Variants in NEURL4 observed in about 807,000 individuals in gnomAD.
The protein encoded by NEURL4 is neuralized-like protein 4.
In NEURL4, 45 loss-of-function variants were observed where a neutral mutation model predicts 148.0. That is an observed-to-expected ratio of 0.30 (90% CI 0.24 to 0.39). NEURL4 has a LOEUF of 0.39. Ranked by LOEUF, NEURL4 falls within the 10% of genes least tolerant of loss-of-function variation. The pLI is 1.00. For missense variants in NEURL4, 1,776 were observed against 2,144.0 expected, an observed-to-expected ratio of 0.83 and a Z score of 3.39; for synonymous variants, 854 against 869.0, an observed-to-expected ratio of 0.98 and a Z score of 0.30.
rs553074136 is a variant in NEURL4 at position 7,329,224 on chromosome 17, G to A, written c.89C>T (p.Ser30Leu). 1.3e-6 allele frequency: 2 copies of A among 1,527,190 alleles called. 1 individual carries two copies. Among genetic ancestry groups the A allele is most frequent in the Admixed American group, 4.0e-5 (2 of 49,564 alleles). 94.6% of individuals were successfully genotyped at this position (1,527,190 alleles called of 1,614,324 possible). The change falls in exon 1 of 29, where the codon TCA becomes TTA. Residue 30 changes from serine to leucine, a missense_variant. Ser to Leu is a moderately radical substitution (Grantham distance 145). Transcript: ENST00000399464. ...CAGACCCCCGTTGGACCCCGGTCCT[G>A]AGCCGCTCCCGCTGGGGCCCCCACC... is the stretch of plus-strand genomic sequence containing the variant. ...GGGGGPSGSG[S>L]GPGSNGGLGS... is the part of the protein sequence containing the mutation.
chr17:7,322,089 A>G lies in NEURL4; in HGVS notation c.2726-79T>C. ...GCAGAACACAGAGCAAAGCTTTCAG[A>G]TGAAACGAAATGGGGATGCCAACGC... On this transcript the variant is annotated intron_variant, in intron 16 of 28. Coordinates refer to ENST00000399464, the MANE Select transcript of NEURL4 (RefSeq NM_032442.3). This position sits in a 1 kb window ranked among gnomAD's most constrained non-coding sequence, Gnocchi z 5.5. The G allele has an allele frequency of 6.7e-7, 1 of 1,484,310 alleles. No homozygotes were observed. Among genetic ancestry groups the G allele is most frequent in the Admixed American group, 2.2e-5 (1 of 45,336 alleles). 91.9% of individuals were successfully genotyped at this position (1,484,310 alleles called of 1,614,324 possible).
At position 7,327,841 on chromosome 17, in the gene NEURL4, A is replaced by G; in HGVS notation, c.326T>C (p.Leu109Pro). The G allele has an allele frequency of 6.2e-7, 1 of 1,613,458 alleles. No individual in the cohort carries two copies. Among genetic ancestry groups the G allele is most frequent in the Admixed American group, 1.7e-5 (1 of 59,986 alleles). ...TGGAAAGTCCAGCACACTGGGGTCC[A>G]GCGCTGTCACCCCAATCTCAATGGA... ...SGSIEIGVTALDPSVLDFPSS... is the reference protein window; with the variant it reads ...SGSIEIGVTAPDPSVLDFPSS... Residue 109 changes from leucine to proline, a missense_variant, in exon 2 of 29, where the codon CTG becomes CCG. By Grantham distance (98) the Leu-to-Pro change is moderately conservative. Transcript: ENST00000399464. The surrounding 1 kb of genome is among the most constrained non-coding windows in gnomAD (Gnocchi z 6.6).
chr17:7,316,397 C>T, intron 28 of NEURL4, 70 bp from the exon 29 acceptor site: 1 of 1,256,044 alleles, frequency 8.0e-7, no homozygotes, highest in South Asian at 1.3e-5. Flanking sequence ...AAGTCTGTTC[C>T]AACCACACAA....
rs536920923 is a variant in NEURL4 at position 7,317,286 on chromosome 17, G to C, written c.4403C>G (p.Pro1468Arg). 2.6e-6 allele frequency: 4 copies of C among 1,526,134 alleles called. No homozygotes were observed. Among genetic ancestry groups the C allele is most frequent in the South Asian group, 2.6e-5 (2 of 76,408 alleles). The allele number at this position is 1,526,134 out of a possible 1,614,324, so 94.5% of individuals were successfully genotyped here. A position where few individuals can be genotyped will look rare whatever the true frequency, so the allele number is the denominator to read the frequency against. ...FEEPGENCAP[P>R]REEQPPPVLL... Reference sequence around the variant, plus strand: ...CACAGGAGGGGGCTGCTCCTCCCGAGGAGGTGCACAGTTCTCGCCAGGCTC... The same window carrying C: ...CACAGGAGGGGGCTGCTCCTCCCGACGAGGTGCACAGTTCTCGCCAGGCTC... Residue 1468 changes from proline to arginine, a missense_variant, in exon 28 of 29, where the codon CCT becomes CGT. Transcript: ENST00000399464.
At position 7,324,665 on chromosome 17, in the gene NEURL4, G is replaced by A. The variant is rs1433800953; in HGVS notation, c.1813+134C>T. The A allele has an allele frequency of 1.8e-6, 2 of 1,119,278 alleles. No homozygotes were observed. Among genetic ancestry groups the A allele is most frequent in the Non-Finnish European group, 2.6e-6 (2 of 765,690 alleles). The allele number at this position is 1,119,278 out of a possible 1,614,324, so 69.3% of individuals were successfully genotyped here. A position where few individuals can be genotyped will look rare whatever the true frequency, so the allele number is the denominator to read the frequency against. On this transcript the variant is annotated intron_variant, in intron 9 of 28. Coordinates refer to ENST00000399464, the MANE Select transcript of NEURL4 (RefSeq NM_032442.3). This position sits in a 1 kb window ranked among gnomAD's most constrained non-coding sequence, Gnocchi z 5.9. Reference sequence around the variant, plus strand: ...CAAGACAGCCACAGCCCTGCCCACGGGACACTCTCTAGCCACTGAATGAGT... The same window carrying A: ...CAAGACAGCCACAGCCCTGCCCACGAGACACTCTCTAGCCACTGAATGAGT...
chr17:7,317,609 G>C (rs1316938440), intron 26 of NEURL4, 36 bp from the exon 27 acceptor site: 3 of 1,594,012 alleles, frequency 1.9e-6, no homozygotes, highest in Non-Finnish European at 2.6e-6. Flanking sequence ...TACAACGAAG[G>C]CCACTGACTC....
Position 7,316,167 on chromosome 17 carries a change from TCTC to T in NEURL4, c.4642_4644del (p.Glu1548del). ...AGGGCACAGAGGAGTGTGGCCCCCTTCTCCTTAGTGACCCACTCAAGTTCGGCT... is the reference window on the plus strand; with the variant it reads ...AGGGCACAGAGGAGTGTGGCCCCCTTCTTAGTGACCCACTCAAGTTCGGCT... On this transcript the variant is annotated inframe_deletion, in exon 29 of 29. Coordinates refer to ENST00000399464, the MANE Select transcript of NEURL4 (RefSeq NM_032442.3). 1 of 1,596,544 alleles carries T rather than the reference TCTC, an allele frequency of 6.3e-7. No homozygotes were observed. The highest frequency in any genetic ancestry group is 8.6e-7 in the Non-Finnish European group (1 of 1,164,062).
At chr17:7,317,118 G>C in intron 28 of NEURL4, 87 bp downstream of exon 28, 4 of 929,086 alleles carry the variant, frequency 4.3e-6, no homozygotes, top group Non-Finnish European at 4.6e-6. Flanking sequence ...AAAAGGGGAG[G>C]GCGAATCATG....
Position 7,321,906 on chromosome 17 carries a change from C to T in NEURL4, c.2830G>A (p.Val944Ile), listed in dbSNP as rs1433681089. Residue 944 changes from valine (V) to isoleucine (I), a missense_variant, in exon 17 of 29, where the codon GTC becomes ATC. Coordinates refer to ENST00000399464, the MANE Select transcript of NEURL4 (RefSeq NM_032442.3). This position sits in a 1 kb window ranked among gnomAD's most constrained non-coding sequence, Gnocchi z 6.3. The stretch of plus-strand genomic sequence containing the variant: ...GCCCTCAGCTCCTTGGTACTGAAGA[C>T]AAGGCCATGAGCATAGCCAGCGGCA... Reference protein sequence around the residue: ...VRAAGYAHGLVFSTKELRAEE... With the variant: ...VRAAGYAHGLIFSTKELRAEE... 6.2e-7 allele frequency: 1 copy of T among 1,613,952 alleles called. No homozygotes were observed. The highest frequency in any genetic ancestry group is 8.5e-7 in the Non-Finnish European group (1 of 1,180,024).
At position 7,329,292 on chromosome 17, in the gene NEURL4, C is replaced by T; in HGVS notation, c.21G>A (p.Gly7=). 2.1e-6 allele frequency: 3 copies of T among 1,413,458 alleles called. No homozygotes were observed. Among genetic ancestry groups the T allele is most frequent in the Admixed American group, 6.3e-5 (2 of 31,736 alleles). 87.6% of individuals were successfully genotyped at this position (1,413,458 alleles called of 1,614,324 possible). A position where few individuals can be genotyped will look rare whatever the true frequency, so the allele number is the denominator to read the frequency against. MAAGSG[G]SGGSGGGPGP... ...CAGGGCCTCCCCCAGAGCCCCCACTCCCACCCGACCCTGCCGCCATCTCCG... is the reference window on the plus strand; with the variant it reads ...CAGGGCCTCCCCCAGAGCCCCCACTTCCACCCGACCCTGCCGCCATCTCCG... The change falls in exon 1 of 29, where the codon GGG becomes GGA. Residue 7 remains glycine (G), a synonymous_variant. Coordinates refer to ENST00000399464, the MANE Select transcript of NEURL4 (RefSeq NM_032442.3).
rs1354443686 is a variant in NEURL4 at position 7,325,544 on chromosome 17, G to T, written c.1367-71C>A. On this transcript the variant is annotated intron_variant, in intron 7 of 28. Coordinates refer to ENST00000399464, the MANE Select transcript of NEURL4 (RefSeq NM_032442.3). ...AGGGGAGAAAGTCAAACACAGGGAG[G>T]CCAAGCACCAAAGAGAAGCAGGAGG... 5.0e-6 allele frequency: 8 copies of T among 1,588,206 alleles called. No homozygotes were observed. In the Admixed American group the frequency reaches 1.3e-4, roughly 27 times the overall value.
rs1239638925 is a variant in NEURL4 at position 7,317,488 on chromosome 17, C to T, written c.4291G>A (p.Val1431Met). 1 of 1,614,072 alleles carries T rather than the reference C, an allele frequency of 6.2e-7. No individual in the cohort carries two copies. Among genetic ancestry groups the T allele is most frequent in the Non-Finnish European group, 8.5e-7 (1 of 1,180,020 alleles). The change falls in exon 27 of 29, where the codon GTG (valine) becomes ATG (methionine). Residue 1431 changes from valine to methionine, a missense_variant. By Grantham distance (21) the Val-to-Met change is conservative (BLOSUM62 1). Transcript: ENST00000399464. ...HGSNVAAVRR[V>M]LDRGELGAGT... ...GCTCCCAGCTCCCCTCGGTCCAGCA[C>T]TCTCCGTACAGCGGCAACATTGCTC... is the stretch of plus-strand genomic sequence containing the variant.
chr17:7,316,791 G>C (rs2072952711), intron 28 of NEURL4, among the ~76,000 whole-genome samples: 1 of 152,092 alleles, frequency 6.6e-6, no homozygotes, highest in South Asian at 2.1e-4. Context: ...GCTTGGTGGT[G>C]CGTGCCTGTA....
chr17:7,328,399 T>C (rs1370713755), intron 1 of NEURL4, among the ~76,000 whole-genome samples: 1 of 152,218 alleles, frequency 6.6e-6, no homozygotes, highest in Non-Finnish European at 1.5e-5. Flanking sequence ...TGTCCTTCAA[T>C]GGTTTGTTCT....
rs1290207721 is a variant in NEURL4, at chr17:7,321,901, G to C, written c.2835C>G (p.Phe945Leu). ...RAAGYAHGLV[F>L]STKELRAEEV... Reference sequence around the variant, plus strand: ...CCTCAGCCCTCAGCTCCTTGGTACTGAAGACAAGGCCATGAGCATAGCCAG... The same window carrying C: ...CCTCAGCCCTCAGCTCCTTGGTACTCAAGACAAGGCCATGAGCATAGCCAG... The change falls in exon 17 of 29, where the codon TTC (phenylalanine) becomes TTG (leucine). Residue 945 changes from phenylalanine (F) to leucine (L), a missense_variant. Physicochemically the swap from Phe to Leu is conservative, Grantham distance 22. Transcript: ENST00000399464. This position sits in a 1 kb window ranked among gnomAD's most constrained non-coding sequence, Gnocchi z 6.3. The C allele has an allele frequency of 6.2e-7, 1 of 1,613,908 alleles. No homozygotes were observed. Among genetic ancestry groups the C allele is most frequent in the Non-Finnish European group, 8.5e-7 (1 of 1,180,014 alleles).
In NEURL4 at chr17:7,324,754, T is replaced by TC. The variant is rs1030111811; in HGVS notation, c.1813+44dup. 1.3e-6 allele frequency: 2 copies of TC among 1,598,522 alleles called. No homozygotes were observed. Among genetic ancestry groups the TC allele is most frequent in the Non-Finnish European group, 8.6e-7 (1 of 1,167,316 alleles). ...AAGTGCCAGGGCTTTGGGGATAGCT[T>TC]CCCCCCAAAACCCTATCCTGTCCCT... is the stretch of plus-strand genomic sequence containing the variant. On this transcript the variant is annotated intron_variant, in intron 9 of 28. Transcript: ENST00000399464. This position sits in a 1 kb window ranked among gnomAD's most constrained non-coding sequence, Gnocchi z 5.9.
intron 1 of NEURL4, 29 bp downstream of exon 1, chr17:7,329,002 A>G (rs770651268): frequency 7.2e-6 from 11 of 1,521,336 alleles, no homozygotes; most frequent in Non-Finnish European, 8.9e-6. Context: ...CACCCTCCAC[A>G]TCTCTGTTCC....
chr17:7,327,027 A>G lies in NEURL4; in HGVS notation c.794-18T>C. The G allele has an allele frequency of 6.2e-7, 1 of 1,607,722 alleles. No individual in the cohort carries two copies. The highest frequency in any genetic ancestry group is 1.3e-5 in the African/African-American group (1 of 74,984). On this transcript the variant is annotated intron_variant, in intron 3 of 28. Coordinates refer to ENST00000399464, the MANE Select transcript of NEURL4 (RefSeq NM_032442.3). The surrounding 1 kb of genome is among the most constrained non-coding windows in gnomAD (Gnocchi z 6.6). ...GGCAAAGTCTATAGCAGCAGGATGGAAGAAGGAAGCTCGGAAGTTGGGATG... is the reference window on the plus strand; with the variant it reads ...GGCAAAGTCTATAGCAGCAGGATGGGAGAAGGAAGCTCGGAAGTTGGGATG...
rs1597637237 is a variant in NEURL4 at position 7,324,666 on chromosome 17, G to A, written c.1813+133C>T. 8.9e-7 allele frequency: 1 copy of A among 1,123,646 alleles called. No individual in the cohort carries two copies. The highest frequency in any genetic ancestry group is 1.5e-5 in the African/African-American group (1 of 64,866). The allele number at this position is 1,123,646 out of a possible 1,614,324, so 69.6% of individuals were successfully genotyped here. On this transcript the variant is annotated intron_variant, in intron 9 of 28. Transcript: ENST00000399464. The surrounding 1 kb of genome is among the most constrained non-coding windows in gnomAD (Gnocchi z 5.9). ...AAGACAGCCACAGCCCTGCCCACGG[G>A]ACACTCTCTAGCCACTGAATGAGTG...
Sources: allele counts gnomAD v4.1 joint callset (sites outside exome capture counted in the v4.1 genomes callset), GRCh38; gene constraint gnomAD v4.1.1; non-coding constraint Gnocchi (gnomAD v3.1); transcripts MANE v1.5; gene names NCBI Gene and HGNC (gene_info 2026-07-23, HGNC 2026-07-21).